Variants in LYPLAL1 observed in about 807,000 individuals in gnomAD.
LYPLAL1 encodes the protein lysophospholipase-like protein 1.
In LYPLAL1, 23 loss-of-function variants were observed where a neutral mutation model predicts 19.7. The ratio of observed to expected loss-of-function variants is 1.17; its 90% confidence interval spans 0.84 to 1.65. The LOEUF (loss-of-function observed/expected upper bound fraction) is 1.65, where lower values mean the gene tolerates loss of function less well. Among genes scored for constraint, LYPLAL1 ranks in the 40% most tolerant of loss-of-function variants. LYPLAL1 has a pLI of 0.00. For synonymous variants in LYPLAL1, 119 were observed against 96.3 expected (o/e 1.24, Z -1.38); for missense variants, 355 against 279.4 (o/e 1.27, Z -1.93).
At chr1:219,387,445 C>T in the LYPLAL1 span, among the ~76,000 whole-genome samples, 4 of 152,168 alleles carry the variant, frequency 2.6e-5, no homozygotes, top group South Asian at 2.1e-4. Flanking sequence ...AAAAGCCTTG[C>T]TTTCAGTTGA....
the LYPLAL1 span, among the ~76,000 whole-genome samples, chr1:219,407,569 T>A: frequency 9.2e-5 from 14 of 152,228 alleles, no homozygotes; most frequent in African/African-American, 3.4e-4. Flanking sequence ...GCTCTGAGGA[T>A]GTGAGAGGTA....
chr1:219,443,011 A>G, the LYPLAL1 span, among the ~76,000 whole-genome samples: 4 of 152,106 alleles, frequency 2.6e-5, no homozygotes, highest in African/African-American at 9.7e-5. Context: ...GTCTGCAGAA[A>G]AGCCTATCTA....
At chr1:219,287,348 A>G in the LYPLAL1 span, among the ~76,000 whole-genome samples, 1 of 152,220 alleles carries the variant, frequency 6.6e-6, no homozygotes, top group Non-Finnish European at 1.5e-5. Context: ...CCCTTATGCC[A>G]GTGCAATTAG....
chr1:219,277,391 G>A, the LYPLAL1 span, among the ~76,000 whole-genome samples: 1 of 152,138 alleles, frequency 6.6e-6, no homozygotes, highest in East Asian at 1.9e-4. Context: ...CTTGATGACA[G>A]AGCATAGAAC....
Position 219,211,903 on chromosome 1 carries a change from C to A in LYPLAL1, c.*175C>A. 1 of 443,734 alleles carries A rather than the reference C, an allele frequency of 2.3e-6. No individual in the cohort carries two copies. Among genetic ancestry groups the A allele is most frequent in the South Asian group, 5.2e-5 (1 of 19,174 alleles). The allele number at this position is 443,734 out of a possible 1,614,324, so 27.5% of individuals were successfully genotyped here. On this transcript the variant is annotated 3_prime_UTR_variant, in exon 5 of 5. Coordinates refer to ENST00000366928, the MANE Select transcript of LYPLAL1 (RefSeq NM_138794.5). ...AATCTTATTAATGAAAAACAATAGACAAACATCTGTGCATAATTTTTCAGA... is the reference window on the plus strand; with the variant it reads ...AATCTTATTAATGAAAAACAATAGAAAAACATCTGTGCATAATTTTTCAGA...
chr1:219,174,563 T>A (rs562054402), intron 1 of LYPLAL1, among the ~76,000 whole-genome samples: 7 of 152,286 alleles, frequency 4.6e-5, no homozygotes, highest in Middle Eastern at 3.4e-3. Flanking sequence ...TCATTAAACT[T>A]CCAAGATAGA....
the LYPLAL1 span, among the ~76,000 whole-genome samples, chr1:219,352,940 T>G: frequency 6.6e-6 from 1 of 152,228 alleles, no homozygotes; most frequent in Non-Finnish European, 1.5e-5. Flanking sequence ...ATTTCTTATT[T>G]TCTATAGTGT....
chr1:219,371,862 A>G, the LYPLAL1 span, among the ~76,000 whole-genome samples: 9 of 152,226 alleles, frequency 5.9e-5, no homozygotes, highest in African/African-American at 1.4e-4. Context: ...TCTTTGTTCA[A>G]CTAATCTCTG....
chr1:219,381,683 G>T, the LYPLAL1 span, among the ~76,000 whole-genome samples: 2 of 152,154 alleles, frequency 1.3e-5, no homozygotes, highest in Non-Finnish European at 2.9e-5. Context: ...CCTTTTAAAG[G>T]CATTTGAGAA....
intron 2 of LYPLAL1, among the ~76,000 whole-genome samples, chr1:219,187,199 A>G (rs1048770910): frequency 5.3e-5 from 8 of 151,736 alleles, no homozygotes; most frequent in Non-Finnish European, 8.9e-5. Context: ...GAGGAGAACA[A>G]TAGTTTATTG....
chr1:219,275,731 TAG>T, the LYPLAL1 span, among the ~76,000 whole-genome samples: 2 of 152,140 alleles, frequency 1.3e-5, no homozygotes, highest in East Asian at 1.9e-4. Context: ...AACTTTAATA[TAG>T]AGTTAAATAT....
chr1:219,370,526 C>A, the LYPLAL1 span, among the ~76,000 whole-genome samples: 1 of 152,120 alleles, frequency 6.6e-6, no homozygotes, highest in African/African-American at 2.4e-5. Flanking sequence ...TGTGGGCTCA[C>A]AGATTAAGCC....
the LYPLAL1 span, among the ~76,000 whole-genome samples, chr1:219,320,425 T>A: frequency 6.6e-6 from 1 of 152,110 alleles, no homozygotes; most frequent in Non-Finnish European, 1.5e-5. Flanking sequence ...AACAGTAAGA[T>A]CCTTTTTTAA....
chr1:219,320,060 A>G, the LYPLAL1 span, among the ~76,000 whole-genome samples: 1 of 152,232 alleles, frequency 6.6e-6, no homozygotes, highest in African/African-American at 2.4e-5. Context: ...CACACAACAC[A>G]ATACGCAAGA....
At chr1:219,312,688 T>C in the LYPLAL1 span, among the ~76,000 whole-genome samples, 5 of 152,200 alleles carry the variant, frequency 3.3e-5, no homozygotes, top group East Asian at 9.6e-4. Flanking sequence ...TTGTCTGTTT[T>C]TTCAGTGCTC....
At chr1:219,253,969 GT>G in the LYPLAL1 span, among the ~76,000 whole-genome samples, 1 of 152,036 alleles carries the variant, frequency 6.6e-6, no homozygotes, top group Non-Finnish European at 1.5e-5. Context: ...CCTATGTTGG[GT>G]GCATATATAA....
chr1:219,197,897 C>T (rs1435816423), intron 3 of LYPLAL1, among the ~76,000 whole-genome samples: 3 of 152,064 alleles, frequency 2.0e-5, no homozygotes, highest in South Asian at 4.1e-4. Context: ...GGAGAGGTTA[C>T]CTGTTTGAGC....
the LYPLAL1 span, among the ~76,000 whole-genome samples, chr1:219,318,302 C>T: frequency 7.9e-5 from 12 of 152,076 alleles, no homozygotes; most frequent in Non-Finnish European, 8.8e-5. Flanking sequence ...TGTCACTCTC[C>T]CAGGAAGTCT....
the LYPLAL1 span, among the ~76,000 whole-genome samples, chr1:219,381,486 G>T: frequency 2.6e-5 from 4 of 152,128 alleles, no homozygotes; most frequent in Non-Finnish European, 5.9e-5. Flanking sequence ...CTATCCAAGA[G>T]AAAACTCATA....
Sources: allele counts gnomAD v4.1 joint callset (sites outside exome capture counted in the v4.1 genomes callset), GRCh38; gene constraint gnomAD v4.1.1; transcripts MANE v1.5; gene names NCBI Gene and HGNC (gene_info 2026-07-23, HGNC 2026-07-21).